VPS41: variants seen among roughly 807,000 people sequenced by gnomAD.
The protein encoded by VPS41 is VPS41 subunit of HOPS complex.
A neutral mutation model predicts 130.9 loss-of-function variants in VPS41; 85 were observed. The ratio of observed to expected loss-of-function variants is 0.65; its 90% CI spans 0.55 to 0.78. VPS41 has a LOEUF of 0.78. Among genes scored for constraint, VPS41 ranks in the 30% least tolerant of loss-of-function variants. The pLI is 0.00. For missense variants in VPS41, 874 were observed against 1,018.7 expected, an observed-to-expected ratio of 0.86 and a Z score of 1.93; for synonymous variants, 335 against 332.9, an observed-to-expected ratio of 1.01 and a Z score of -0.07.
chr7:38,764,851 A>C (rs1426609732), intron 16 of VPS41, among the ~76,000 whole-genome samples: 1 of 151,898 alleles, frequency 6.6e-6, no homozygotes, highest in Non-Finnish European at 1.5e-5. Context: ...CATGATATTC[A>C]AAAAAAAGGT....
intron 2 of VPS41, among the ~76,000 whole-genome samples, chr7:38,887,785 T>A (rs1014826231): frequency 1.3e-5 from 2 of 152,232 alleles, no homozygotes; most frequent in Admixed American, 1.3e-4. Flanking sequence ...GAGAGAAAGG[T>A]CAGGTCACCC....
chr7:38,885,288 C>T (rs958931017), intron 2 of VPS41, among the ~76,000 whole-genome samples: 3 of 151,986 alleles, frequency 2.0e-5, no homozygotes, highest in Admixed American at 1.3e-4. Flanking sequence ...TTAGCCAGGA[C>T]GGTCTCGATC....
intron 25 of VPS41, among the ~76,000 whole-genome samples, chr7:38,731,393 T>TCA (rs1187998999): frequency 1.3e-5 from 2 of 152,210 alleles, no homozygotes; most frequent in African/African-American, 4.8e-5. Flanking sequence ...GTGCTGTTGT[T>TCA]CACATTCATT....
At chr7:38,874,127 T>C (rs1786434725) in intron 2 of VPS41, among the ~76,000 whole-genome samples, 1 of 152,220 alleles carries the variant, frequency 6.6e-6, no homozygotes. Context: ...ACATTTTTCA[T>C]CTTGTTTAAA....
intron 4 of VPS41, among the ~76,000 whole-genome samples, chr7:38,852,857 C>A (rs1194507603): frequency 2.6e-5 from 4 of 152,292 alleles, no homozygotes; most frequent in Non-Finnish European, 4.4e-5. Flanking sequence ...ATCCGATTTA[C>A]CATCATCCTT....
chr7:38,830,841 T>C (rs1261040709), intron 4 of VPS41, among the ~76,000 whole-genome samples: 1 of 152,164 alleles, frequency 6.6e-6, no homozygotes, highest in South Asian at 2.1e-4. Context: ...GTTCCTAGAA[T>C]GTCAGAAGAG....
chr7:38,900,325 T>A (rs760778812), intron 1 of VPS41, among the ~76,000 whole-genome samples: 2 of 152,158 alleles, frequency 1.3e-5, no homozygotes, highest in African/African-American at 2.4e-5. Context: ...CAAATATGCA[T>A]GTTCTTACTT....
chr7:38,883,443 A>T (rs1786656690), intron 2 of VPS41, among the ~76,000 whole-genome samples: 1 of 152,122 alleles, frequency 6.6e-6, no homozygotes, highest in Admixed American at 6.5e-5. Context: ...TTTTTCCTCA[A>T]ATATTTACTC....
chr7:38,763,486 A>G lies in VPS41; in HGVS notation c.1391T>C (p.Ile464Thr), dbSNP rs148532572. 885 of 1,608,236 alleles carry G rather than the reference A, an allele frequency of 5.5e-4. 2 individuals carry two copies. Among genetic ancestry groups the G allele is most frequent in the Non-Finnish European group, 5.8e-4 (679 of 1,177,906 alleles). The stretch of plus-strand genomic sequence containing the variant: ...ATCACTCTCCAAAAATTCATGTAAG[A>G]TCATTTCATAGATGAGTGGTTTCAG... ...PVLKPLIYEM[I>T]LHEFLESDYE... Residue 464 changes from isoleucine to threonine, a missense_variant, in exon 17 of 29, where the codon ATC becomes ACC. Physicochemically the swap from Ile to Thr is moderately conservative, Grantham distance 89. Coordinates refer to ENST00000310301, the MANE Select transcript of VPS41 (RefSeq NM_014396.4).
At chr7:38,817,654 A>G in intron 7 of VPS41, 163 bp downstream of exon 7, 1 of 696,956 alleles carries the variant, frequency 1.4e-6, no homozygotes, top group Non-Finnish European at 2.5e-6. Flanking sequence ...CACTGAAGCC[A>G]CAACTCCCCC....
chr7:38,802,638 T>A (rs1005496147), intron 7 of VPS41, among the ~76,000 whole-genome samples: 1 of 152,210 alleles, frequency 6.6e-6, no homozygotes, highest in African/African-American at 2.4e-5. Flanking sequence ...CTTTGGTGAT[T>A]TAAGAAAACA....
At chr7:38,750,628 G>A (rs1584373918) in intron 22 of VPS41, among the ~76,000 whole-genome samples, 2 of 152,208 alleles carry the variant, frequency 1.3e-5, no homozygotes, top group African/African-American at 4.8e-5. Flanking sequence ...TGTGTAGGAA[G>A]CATCACATGC....
At chr7:38,774,992 C>T (rs767892565) in intron 11 of VPS41, among the ~76,000 whole-genome samples, 2 of 152,118 alleles carry the variant, frequency 1.3e-5, no homozygotes, top group Non-Finnish European at 2.9e-5. Context: ...TGGAATAATG[C>T]CCATGAAAAC....
At chr7:38,733,955 G>A (rs371286421) in intron 25 of VPS41, among the ~76,000 whole-genome samples, 22 of 151,946 alleles carry the variant, frequency 1.4e-4, no homozygotes, top group African/African-American at 4.8e-4. Flanking sequence ...GCATAGTGGC[G>A]CATGCCTGTA....
chr7:38,852,583 T>G (rs535722104), intron 4 of VPS41, among the ~76,000 whole-genome samples: 23 of 152,224 alleles, frequency 1.5e-4, no homozygotes, highest in Non-Finnish European at 2.9e-4. Flanking sequence ...TCCTAATATA[T>G]CATGATCCTA....
intron 7 of VPS41, among the ~76,000 whole-genome samples, chr7:38,816,711 A>G (rs1238246152): frequency 6.6e-6 from 1 of 152,216 alleles, no homozygotes; most frequent in African/African-American, 2.4e-5. Flanking sequence ...TATAAACAGA[A>G]AAATGTTAAT....
chr7:38,809,607 TC>T (rs1201063617), intron 7 of VPS41, among the ~76,000 whole-genome samples: 3 of 152,098 alleles, frequency 2.0e-5, no homozygotes, highest in Non-Finnish European at 4.4e-5. Flanking sequence ...ACCATCTCTG[TC>T]CTTCAGGTAA....
intron 5 of VPS41, among the ~76,000 whole-genome samples, chr7:38,828,909 T>C (rs1785332641): frequency 6.6e-6 from 1 of 152,184 alleles, no homozygotes; most frequent in South Asian, 2.1e-4. Flanking sequence ...TGAAAATTCC[T>C]AGATGAAGTA....
intron 25 of VPS41, among the ~76,000 whole-genome samples, chr7:38,737,266 G>T (rs1237395851): frequency 6.6e-6 from 1 of 152,082 alleles, no homozygotes; most frequent in African/African-American, 2.4e-5. Context: ...CAGCTACTCA[G>T]GAGGCTGATG....
Sources: allele counts gnomAD v4.1 joint callset (sites outside exome capture counted in the v4.1 genomes callset), GRCh38; gene constraint gnomAD v4.1.1; transcripts MANE v1.5; gene names NCBI Gene and HGNC (gene_info 2026-07-23, HGNC 2026-07-21).